The following SRPRA variants were observed in gnomAD, a reference collection of about 807,000 sequenced individuals.
The protein encoded by SRPRA is SRP receptor subunit alpha, also known as signal recognition particle receptor subunit alpha.
SRPRA carries 30 observed loss-of-function variants against 61.1 expected under a neutral mutation model. The observed-to-expected ratio is 0.49, with a 90% CI of 0.37 to 0.67. The LOEUF (loss-of-function observed/expected upper bound fraction) is 0.67, where lower values mean the gene tolerates loss of function less well. SRPRA is among the 30% of genes least tolerant of loss of function. The pLI is 0.00. For missense variants in SRPRA, 759 were observed against 828.4 expected (o/e 0.92, Z 1.03); for synonymous variants, 324 against 299.7 (o/e 1.08, Z -0.84).
rs964353421 is a variant in SRPRA at position 126,264,328 on chromosome 11, A to T, written c.1690-39T>A. The T allele has an allele frequency of 1.2e-6, 2 of 1,613,446 alleles. No individual in the cohort carries two copies. The highest frequency in any genetic ancestry group is 2.7e-5 in the African/African-American group (2 of 74,900). On this transcript the variant is annotated intron_variant, in intron 12 of 13. Transcript: ENST00000332118. The surrounding 1 kb of genome is among the most constrained non-coding windows in gnomAD (Gnocchi z 5.0). ...GTGATAGAAGTGTAAGAACCATCTA[A>T]ATTGACCAAAGCTCAAGTTGTAAAG...
At chr11:126,241,889 G>A in the SRPRA span, among the ~76,000 whole-genome samples, 9 of 151,944 alleles carry the variant, frequency 5.9e-5, no homozygotes, top group East Asian at 1.9e-4. Context: ...AGGGCCAGGC[G>A]TGGTGGGCAC....
At chr11:126,256,761 G>C in the SRPRA span, 5 of 1,614,124 alleles carry the variant, frequency 3.1e-6, no homozygotes, top group Non-Finnish European at 3.4e-6. The surrounding 1 kb of genome is among the most constrained non-coding windows in gnomAD (Gnocchi z 6.6). Flanking sequence ...TGGACAAGGG[G>C]ATTAAAGTCA....
chr11:126,247,341 G>T, the SRPRA span, among the ~76,000 whole-genome samples: 1 of 152,248 alleles, frequency 6.6e-6, no homozygotes, highest in Non-Finnish European at 1.5e-5. Flanking sequence ...CAATGCAGTT[G>T]CAGAATCATA....
In SRPRA at chr11:126,267,151, T is replaced by G; in HGVS notation, c.526+24A>C. On this transcript the variant is annotated intron_variant, in intron 4 of 13. Coordinates refer to ENST00000332118, the MANE Select transcript of SRPRA (RefSeq NM_003139.4). This position sits in a 1 kb window ranked among gnomAD's most constrained non-coding sequence, Gnocchi z 4.2. Reference sequence around the variant, plus strand: ...CGTGTTAACACCTTTCATGTCCCAGTATATCCAAAGAACTCAAACTTGCCT... The same window carrying G: ...CGTGTTAACACCTTTCATGTCCCAGGATATCCAAAGAACTCAAACTTGCCT... 6.2e-7 allele frequency: 1 copy of G among 1,613,688 alleles called. No individual in the cohort carries two copies. The highest frequency in any genetic ancestry group is 8.5e-7 in the Non-Finnish European group (1 of 1,179,946).
At chr11:126,256,599 A>T in the SRPRA span, 1 of 1,613,918 alleles carries the variant, frequency 6.2e-7, no homozygotes, top group Non-Finnish European at 8.5e-7. The surrounding 1 kb of genome is among the most constrained non-coding windows in gnomAD (Gnocchi z 6.6). Flanking sequence ...AAAACAAGTC[A>T]TTTCTTTTCC....
rs1950791398 is a variant in SRPRA, at chr11:126,265,487, G to A, written c.1139-47C>T. 1 of 1,582,674 alleles carries A rather than the reference G, an allele frequency of 6.3e-7. No individual in the cohort carries two copies. The highest frequency in any genetic ancestry group is 1.4e-5 in the African/African-American group (1 of 73,992). On this transcript the variant is annotated intron_variant, in intron 9 of 13. Transcript: ENST00000332118. The surrounding 1 kb of genome is among the most constrained non-coding windows in gnomAD (Gnocchi z 6.3). ...GTTGCAGCTGTGAAACTCAAGGAAT[G>A]CTCTCAAAAATGCCTAACACCTTTC...
the SRPRA span, among the ~76,000 whole-genome samples, chr11:126,236,914 A>G: frequency 8.9e-6 from 1 of 112,080 alleles, no homozygotes; most frequent in Non-Finnish European, 1.8e-5. Context: ...TGTTTCACAG[A>G]TGCTTTTTTT....
In SRPRA at chr11:126,268,092, G is replaced by GA. The variant is rs1285121479; in HGVS notation, c.118-7dup. 1.2e-6 allele frequency: 2 copies of GA among 1,613,532 alleles called. No homozygotes were observed. Among genetic ancestry groups the GA allele is most frequent in the Non-Finnish European group, 1.7e-6 (2 of 1,179,556 alleles). ...GAGTTGTTACCTCCCCGTTCCTGGA[G>GA]AAAGAGTATGTCTCAGTGTTCAGAC... On this transcript the variant is annotated splice_polypyrimidine_tract_variant and splice_region_variant and intron_variant, in intron 1 of 13. Coordinates refer to ENST00000332118, the MANE Select transcript of SRPRA (RefSeq NM_003139.4).
the SRPRA span, among the ~76,000 whole-genome samples, chr11:126,240,353 A>G: frequency 1.3e-5 from 2 of 150,986 alleles, no homozygotes; most frequent in African/African-American, 4.9e-5. Flanking sequence ...AGTGTTTTAC[A>G]TTTCTCAATA....
downstream of SRPRA, among the ~76,000 whole-genome samples, chr11:126,259,448 A>G (rs1328378700): frequency 7.6e-6 from 1 of 131,744 alleles, no homozygotes; most frequent in Non-Finnish European, 1.6e-5. Flanking sequence ...TTTTTTTGAG[A>G]TGGAGTCTCG....
At chr11:126,247,789 C>T in the SRPRA span, among the ~76,000 whole-genome samples, 4 of 149,604 alleles carry the variant, frequency 2.7e-5, no homozygotes, top group Admixed American at 6.7e-5. Context: ...ACCCAGGAGG[C>T]GGAGGTTGCA....
At position 126,264,307 on chromosome 11, in the gene SRPRA, T is replaced by C; in HGVS notation, c.1690-18A>G. 8 of 1,613,596 alleles carry C rather than the reference T, an allele frequency of 5.0e-6. No homozygotes were observed. Among genetic ancestry groups the C allele is most frequent in the Non-Finnish European group, 6.8e-6 (8 of 1,179,656 alleles). On this transcript the variant is annotated intron_variant, in intron 12 of 13. Transcript: ENST00000332118. This position sits in a 1 kb window ranked among gnomAD's most constrained non-coding sequence, Gnocchi z 5.0. ...AACTTGACCTGGAAAGAAAAAGTGA[T>C]AGAAGTGTAAGAACCATCTAAATTG... is the stretch of plus-strand genomic sequence containing the variant.
the SRPRA span, chr11:126,250,512 A>G: frequency 3.1e-6 from 5 of 1,612,248 alleles, no homozygotes; most frequent in Non-Finnish European, 4.2e-6. The surrounding 1 kb of genome is among the most constrained non-coding windows in gnomAD (Gnocchi z 5.1). Context: ...TCAGCGTACC[A>G]GTAATGTTCG....
the SRPRA span, chr11:126,241,128 A>G: frequency 1.5e-6 from 2 of 1,371,362 alleles, no homozygotes; most frequent in Non-Finnish European, 9.9e-7. Flanking sequence ...TGTCAAAACT[A>G]GCATGCCAAA....
chr11:126,243,859 G>T, the SRPRA span, among the ~76,000 whole-genome samples: 1 of 148,318 alleles, frequency 6.7e-6, no homozygotes, highest in African/African-American at 2.5e-5. Context: ...AGCCAAGATC[G>T]CACCACTGCA....
chr11:126,252,138 C>T, the SRPRA span, among the ~76,000 whole-genome samples: 1 of 152,170 alleles, frequency 6.6e-6, no homozygotes, highest in South Asian at 2.1e-4. This position sits in a 1 kb window ranked among gnomAD's most constrained non-coding sequence, Gnocchi z 4.7. Flanking sequence ...AGGCACCCGC[C>T]ATCACGTCTG....
the SRPRA span, among the ~76,000 whole-genome samples, chr11:126,252,222 G>C: frequency 6.6e-6 from 1 of 151,966 alleles, no homozygotes; most frequent in African/African-American, 2.4e-5. This position sits in a 1 kb window ranked among gnomAD's most constrained non-coding sequence, Gnocchi z 4.7. Context: ...CCTGACCTCA[G>C]GTGATCTGCC....
At chr11:126,261,968 A>G (rs889350469), downstream of SRPRA, 7 of 762,028 alleles carry the variant, frequency 9.2e-6, no homozygotes, top group African/African-American at 8.9e-5. Flanking sequence ...TTGTCTCTAA[A>G]AAGTAAATAA....
At chr11:126,250,665 C>G in the SRPRA span, 1 of 1,614,126 alleles carries the variant, frequency 6.2e-7, no homozygotes. This position sits in a 1 kb window ranked among gnomAD's most constrained non-coding sequence, Gnocchi z 5.1. Context: ...TTTTGATAAT[C>G]TCTTGGAACT....
Sources: allele counts gnomAD v4.1 joint callset (sites outside exome capture counted in the v4.1 genomes callset), GRCh38; gene constraint gnomAD v4.1.1; non-coding constraint Gnocchi (gnomAD v3.1); transcripts MANE v1.5; gene names NCBI Gene and HGNC (gene_info 2026-07-23, HGNC 2026-07-21).